The following SEMA3C variants were observed in gnomAD, a reference collection of about 807,000 sequenced individuals.
SEMA3C encodes semaphorin-3C.
SEMA3C carries 47 observed loss-of-function variants against 89.4 expected under a neutral mutation model. The observed-to-expected ratio is 0.53, with a 90% CI of 0.42 to 0.67. SEMA3C has a LOEUF of 0.67. Ranked by LOEUF, SEMA3C falls within the 30% of genes least tolerant of loss-of-function variation. The pLI, the probability that SEMA3C is intolerant of heterozygous loss-of-function variation, is 0.00. For missense variants in SEMA3C, 839 were observed against 929.1 expected, an observed-to-expected ratio of 0.90 and a Z score of 1.26; for synonymous variants, 310 against 320.2, an observed-to-expected ratio of 0.97 and a Z score of 0.34.
chr7:80,896,357 T>C (rs1222891549), intron 2 of SEMA3C, among the ~76,000 whole-genome samples: 1 of 152,206 alleles, frequency 6.6e-6, no homozygotes, highest in African/African-American at 2.4e-5. Flanking sequence ...GCCCTCTAGT[T>C]GCTCCAACTC....
rs558077903 is a variant in SEMA3C, at chr7:80,793,588, G to T, written c.1132-4060C>A. The T allele has an allele frequency of 1.0e-5, 4 of 388,208 alleles. No homozygotes were observed. In the East Asian group the frequency reaches 3.1e-4, roughly 30 times the overall value. The allele number at this position is 388,208 out of a possible 1,614,324, so 24.0% of individuals were successfully genotyped here. ...AATGTAAGATAAACAATCAATTTTG[G>T]TTTAGGATCAATTTCCCTACATACT... On this transcript the variant is annotated intron_variant, in intron 11 of 17. Transcript: ENST00000265361.
intron 13 of SEMA3C, 98 bp downstream of exon 13, chr7:80,765,057 G>T: frequency 1.4e-6 from 1 of 719,586 alleles, no homozygotes; most frequent in Non-Finnish European, 2.3e-6. Flanking sequence ...TCATTTATTT[G>T]ATCTTTTATC....
At chr7:80,765,318 C>G in intron 12 of SEMA3C, 75 bp from the exon 13 acceptor site, 1 of 1,043,870 alleles carries the variant, frequency 9.6e-7, no homozygotes, top group Non-Finnish European at 1.5e-6. Context: ...GGACTACTGA[C>G]TTGGACCATT....
At chr7:80,765,680 G>A (rs1165438930) in intron 12 of SEMA3C, among the ~76,000 whole-genome samples, 1 of 152,092 alleles carries the variant, frequency 6.6e-6, no homozygotes, top group Non-Finnish European at 1.5e-5. Flanking sequence ...GGGTTCAAGC[G>A]ATTGTTCTGC....
intron 2 of SEMA3C, among the ~76,000 whole-genome samples, chr7:80,872,797 C>CA (rs1218885274): frequency 0.066 from 2,606 of 39,446 alleles, 130 homozygotes; most frequent in Non-Finnish European, 0.081. Context: ...GAGACTCTGT[C>CA]AAAAAAAAAA....
At chr7:80,889,921 T>C (rs1791572955) in intron 2 of SEMA3C, among the ~76,000 whole-genome samples, 1 of 152,112 alleles carries the variant, frequency 6.6e-6, no homozygotes, top group Non-Finnish European at 1.5e-5. Flanking sequence ...TTAAGCAAAT[T>C]AGTCAAACTA....
At chr7:80,850,142 T>C (rs1182338620) in intron 2 of SEMA3C, among the ~76,000 whole-genome samples, 1 of 152,168 alleles carries the variant, frequency 6.6e-6, no homozygotes, top group Non-Finnish European at 1.5e-5. Flanking sequence ...AAGAAAGCTG[T>C]TTATTTCCAA....
chr7:80,787,176 G>A (rs1221926158), intron 12 of SEMA3C, among the ~76,000 whole-genome samples: 1 of 151,970 alleles, frequency 6.6e-6, no homozygotes, highest in African/African-American at 2.4e-5. Context: ...GGTGGATCAC[G>A]TGATCAAGAG....
chr7:80,772,513 A>AG (rs1490347440), intron 12 of SEMA3C, among the ~76,000 whole-genome samples: 1 of 152,200 alleles, frequency 6.6e-6, no homozygotes, highest in East Asian at 1.9e-4. Flanking sequence ...CTTCAGCCTC[A>AG]GCCCTGGGGG....
intron 6 of SEMA3C, among the ~76,000 whole-genome samples, chr7:80,806,695 A>G (rs1380492635): frequency 1.3e-5 from 2 of 152,106 alleles, no homozygotes. Flanking sequence ...CCCTGAGTAT[A>G]AAACAGTAGC....
At chr7:80,786,409 A>C (rs1365868559) in intron 12 of SEMA3C, among the ~76,000 whole-genome samples, 1 of 151,864 alleles carries the variant, frequency 6.6e-6, no homozygotes, top group African/African-American at 2.4e-5. Context: ...AAAAAAAAAA[A>C]CCAACCAACT....
chr7:80,752,044 C>G (rs1787947809), intron 15 of SEMA3C, among the ~76,000 whole-genome samples: 1 of 152,134 alleles, frequency 6.6e-6, no homozygotes, highest in African/African-American at 2.4e-5. Flanking sequence ...TGGATCCACA[C>G]CTATGAAAGC....
At chr7:80,893,903 TACA>T (rs1791673445) in intron 2 of SEMA3C, among the ~76,000 whole-genome samples, 1 of 152,278 alleles carries the variant, frequency 6.6e-6, no homozygotes, top group South Asian at 2.1e-4. Flanking sequence ...TAAACAACGT[TACA>T]ACGTTATGAG....
chr7:80,872,747 G>A (rs1241725138), intron 2 of SEMA3C, among the ~76,000 whole-genome samples: 1 of 138,248 alleles, frequency 7.2e-6, no homozygotes, highest in Non-Finnish European at 1.5e-5. Flanking sequence ...ATTGCAGTGA[G>A]CCAAGATCAC....
At chr7:80,804,374 C>T in intron 7 of SEMA3C, 126 bp from the exon 8 acceptor site, 3 of 545,438 alleles carry the variant, frequency 5.5e-6, no homozygotes, top group Non-Finnish European at 8.8e-6. Context: ...CATTTACAGG[C>T]ACATTTCTAA....
intron 2 of SEMA3C, among the ~76,000 whole-genome samples, chr7:80,855,935 G>T (rs1365153259): frequency 6.6e-6 from 1 of 152,104 alleles, no homozygotes; most frequent in Non-Finnish European, 1.5e-5. Flanking sequence ...GACTCGGCAA[G>T]GAGTTAGCAG....
intron 2 of SEMA3C, among the ~76,000 whole-genome samples, chr7:80,886,248 G>C (rs986020643): frequency 6.6e-6 from 1 of 151,596 alleles, no homozygotes; most frequent in Admixed American, 6.6e-5. Flanking sequence ...ATGTGGTTAT[G>C]ACATGGTATT....
At chr7:80,879,829 T>A (rs966757004) in intron 2 of SEMA3C, among the ~76,000 whole-genome samples, 3 of 152,170 alleles carry the variant, frequency 2.0e-5, no homozygotes, top group African/African-American at 7.2e-5. Context: ...TTAAAATTAG[T>A]TTGAACAAGT....
intron 2 of SEMA3C, among the ~76,000 whole-genome samples, chr7:80,864,377 G>A (rs538697037): frequency 2.6e-5 from 4 of 151,664 alleles, no homozygotes; most frequent in South Asian, 4.2e-4. Flanking sequence ...CACCTGTACC[G>A]CAATAACTTA....
Sources: allele counts gnomAD v4.1 joint callset (sites outside exome capture counted in the v4.1 genomes callset), GRCh38; gene constraint gnomAD v4.1.1; transcripts MANE v1.5; gene names NCBI Gene and HGNC (gene_info 2026-07-23, HGNC 2026-07-21).